Variants in ZMYM1 observed in about 807,000 individuals in gnomAD.
ZMYM1 encodes zinc finger MYM-type protein 1.
Under a neutral mutation model 60.0 loss-of-function variants are expected in ZMYM1, and 39 were observed. The observed-to-expected ratio is 0.65, with a 90% CI of 0.50 to 0.85. The LOEUF (loss-of-function observed/expected upper bound fraction) is 0.85, where lower values mean the gene tolerates loss of function less well. Ranked by LOEUF, ZMYM1 falls within the 40% of genes least tolerant of loss-of-function variation. The probability of loss-of-function intolerance (pLI) is 0.00; values close to 1 mark genes in which losing one functional copy is unlikely to be tolerated. For synonymous variants in ZMYM1, 413 were observed against 454.0 expected, an observed-to-expected ratio of 0.91 and a Z score of 1.15; for missense variants, 1,171 against 1,309.5, an observed-to-expected ratio of 0.89 and a Z score of 1.63.
At chr1:35,074,460 G>C (rs1330085643), upstream of ZMYM1, among the ~76,000 whole-genome samples, 2 of 152,044 alleles carry the variant, frequency 1.3e-5, no homozygotes, top group African/African-American at 4.8e-5. Flanking sequence ...CCAGGCTGGA[G>C]TGCAGTGGCG....
intron 1 of ZMYM1, 101 bp downstream of exon 1, chr1:35,079,543 G>A (rs1020609993): frequency 2.0e-5 from 3 of 152,384 alleles, no homozygotes; most frequent in African/African-American, 7.2e-5. Context: ...TGACGCGCCG[G>A]GTCGGGGTTT....
chr1:35,097,618 C>T (rs1643403884), intron 4 of ZMYM1, 52 bp downstream of exon 4: 2 of 1,590,604 alleles, frequency 1.3e-6, no homozygotes, highest in South Asian at 1.1e-5. Context: ...TGTTCTTGAT[C>T]ATAGTCTTAG....
At position 35,091,056 on chromosome 1, in the gene ZMYM1, AG is replaced by A. The variant is rs1293005569; in HGVS notation, c.-74-2856del. Among the ~76,000 whole-genome samples the A allele has an allele frequency of 1.8e-4, 27 of 148,402 alleles. 1 individual carries two copies. In the South Asian group the frequency reaches 5.9e-3, roughly 33 times the overall value. ...TCCTAGATTTCTGGCATGGGAAATT[AG>A]GTATATGACACTGCTATTTACCAAA... On this transcript the variant is annotated intron_variant, in intron 1 of 9. Coordinates refer to ENST00000359858, the MANE Select transcript of ZMYM1 (RefSeq NM_024772.5).
intron 5 of ZMYM1, 41 bp downstream of exon 5, chr1:35,104,510 C>T: frequency 6.2e-7 from 1 of 1,610,628 alleles, no homozygotes; most frequent in Non-Finnish European, 8.5e-7. Flanking sequence ...TCTGATGATT[C>T]TGCTTAAATA....
In ZMYM1 at chr1:35,097,470, C is replaced by T. The variant is rs1296061140; in HGVS notation, c.323C>T (p.Ser108Phe). Reference sequence around the variant, plus strand: ...CAAACTGCTTATCAGAGGAAAGGATCTGCTCAACTTTTCTGCTCCATACCA... The same window carrying T: ...CAAACTGCTTATCAGAGGAAAGGATTTGCTCAACTTTTCTGCTCCATACCA... ...KGQTAYQRKG[S>F]AQLFCSIPCI... The change falls in exon 4 of 10, where the codon TCT becomes TTT. Residue 108 changes from serine to phenylalanine, a missense_variant. Transcript: ENST00000359858. The T allele has an allele frequency of 6.2e-7, 1 of 1,614,130 alleles. No homozygotes were observed.
At chr1:35,089,206 C>T (rs977010121) in intron 1 of ZMYM1, among the ~76,000 whole-genome samples, 1 of 152,144 alleles carries the variant, frequency 6.6e-6, no homozygotes, top group African/African-American at 2.4e-5. Context: ...TTACGAATAA[C>T]AATAATTGTA....
rs1224058812 is a variant in ZMYM1 at position 35,114,296 on chromosome 1, T to C, written c.2466T>C (p.Ser822=). Residue 822 remains serine, a synonymous_variant, in exon 10 of 10, where the codon AGT becomes AGC. Coordinates refer to ENST00000359858, the MANE Select transcript of ZMYM1 (RefSeq NM_024772.5). ...GTACATTACTATCTGTGATTGACAG[T>C]CTTCCAGAGATTATTGAAACATTGG... ...HDRTLLSVID[S]LPEIIETLEV... is the part of the protein sequence containing the mutation. The C allele has an allele frequency of 1.9e-6, 3 of 1,613,666 alleles. No individual in the cohort carries two copies. Among genetic ancestry groups the C allele is most frequent in the African/African-American group, 2.7e-5 (2 of 74,926 alleles).
chr1:35,100,313 A>C (rs1338477118), intron 4 of ZMYM1, among the ~76,000 whole-genome samples: 1 of 152,080 alleles, frequency 6.6e-6, no homozygotes, highest in Non-Finnish European at 1.5e-5. Context: ...TGACATTTTA[A>C]ATCTTATTAG....
At position 35,112,951 on chromosome 1, in the gene ZMYM1, T is replaced by C. The variant is rs200597318; in HGVS notation, c.1147-26T>C. The C allele has an allele frequency of 2.0e-6, 3 of 1,492,838 alleles. No homozygotes were observed. The East Asian group carries it at 7.0e-5, about 35-fold the overall frequency. The allele number at this position is 1,492,838 out of a possible 1,614,324, so 92.5% of individuals were successfully genotyped here. On this transcript the variant is annotated intron_variant, in intron 9 of 9. Transcript: ENST00000359858. ...TAATTAATTTTTGAAAACTGTTAAA[T>C]GTTCTTTTCTCATTTTCTCCCAAAG...
At chr1:35,103,593 A>G (rs1643767344) in intron 4 of ZMYM1, among the ~76,000 whole-genome samples, 1 of 152,136 alleles carries the variant, frequency 6.6e-6, no homozygotes, top group Non-Finnish European at 1.5e-5. Context: ...TCTTTTGACC[A>G]TTGTGAATAG....
At chr1:35,104,893 T>G (rs941904387) in intron 6 of ZMYM1, 124 bp downstream of exon 6, 5 of 701,298 alleles carry the variant, frequency 7.1e-6, no homozygotes, top group African/African-American at 1.8e-5. Context: ...GAAGATGAAA[T>G]AGAAGGCTTT....
At chr1:35,104,248 T>C (rs1643804382) in intron 4 of ZMYM1, 47 bp from the exon 5 acceptor site, 1 of 1,433,052 alleles carries the variant, frequency 7.0e-7, no homozygotes, top group Admixed American at 2.4e-5. Context: ...AGAGAAGTTA[T>C]AATTGTGTTT....
At chr1:35,063,986 G>A (rs1162364680) in intron 1 of ZMYM1, among the ~76,000 whole-genome samples, 3 of 152,230 alleles carry the variant, frequency 2.0e-5, no homozygotes, top group Middle Eastern at 3.4e-3. Flanking sequence ...TAGATAGCCC[G>A]AAATGATAGA....
intron 3 of ZMYM1, among the ~76,000 whole-genome samples, chr1:35,096,477 C>G (rs969765852): frequency 6.6e-6 from 1 of 151,742 alleles, no homozygotes; most frequent in Admixed American, 6.6e-5. Context: ...AATTTAAAAA[C>G]CAGGTGTGGT....
chr1:35,080,314 C>CTTTTTT (rs35214559), intron 1 of ZMYM1, among the ~76,000 whole-genome samples: 4 of 125,510 alleles, frequency 3.2e-5, no homozygotes, highest in African/African-American at 9.6e-5. Context: ...ATTTGTGCTT[C>CTTTTTT]TTTTTTTTTT....
At chr1:35,110,273 A>C (rs774637087) in intron 6 of ZMYM1, 21 bp from the exon 7 acceptor site, 1 of 1,458,520 alleles carries the variant, frequency 6.9e-7, no homozygotes, top group East Asian at 2.6e-5. Context: ...GAATATGAAT[A>C]TTATTTTAAT....
intron 3 of ZMYM1, among the ~76,000 whole-genome samples, chr1:35,096,143 T>TC (rs1186354761): frequency 6.6e-6 from 1 of 151,822 alleles, no homozygotes; most frequent in Non-Finnish European, 1.5e-5. Flanking sequence ...TGAAACCCTG[T>TC]CTCTACTACA....
chr1:35,090,396 C>T (rs1642932231), intron 1 of ZMYM1, among the ~76,000 whole-genome samples: 2 of 152,040 alleles, frequency 1.3e-5, no homozygotes, highest in African/African-American at 4.8e-5. Context: ...AAAAAGAGAC[C>T]TTGCTGGGAG....
chr1:35,115,793 G>C lies in ZMYM1; in HGVS notation c.*534G>C, dbSNP rs1239124668. The C allele has an allele frequency of 6.6e-6, 1 of 152,272 alleles. No homozygotes were observed. Among genetic ancestry groups the C allele is most frequent in the East Asian group, 1.9e-4 (1 of 5,200 alleles). 9.4% of individuals were successfully genotyped at this position (152,272 alleles called of 1,614,324 possible). A position where few individuals can be genotyped will look rare whatever the true frequency, so the allele number is the denominator to read the frequency against. On this transcript the variant is annotated 3_prime_UTR_variant, in exon 10 of 10. Transcript: ENST00000359858. ...TGGCAAGTTGCCATCTATAAGGATT[G>C]TGCCAGTTTACAGTCCCACCCACAA...
Sources: allele counts gnomAD v4.1 joint callset (sites outside exome capture counted in the v4.1 genomes callset), GRCh38; gene constraint gnomAD v4.1.1; transcripts MANE v1.5; gene names NCBI Gene and HGNC (gene_info 2026-07-23, HGNC 2026-07-21).